R3HCC1L: variants seen among roughly 807,000 people sequenced by gnomAD.
R3HCC1L encodes R3H domain and coiled-coil containing 1 like, also known as coiled-coil domain-containing protein R3HCC1L.
In R3HCC1L, 51 loss-of-function variants were observed where a neutral mutation model predicts 59.9. The observed-to-expected ratio is 0.85, with a 90% CI of 0.68 to 1.07. The LOEUF (loss-of-function observed/expected upper bound fraction) is 1.07, where lower values mean the gene tolerates loss of function less well. R3HCC1L is among the 50% of genes least tolerant of loss of function. The pLI, the probability that R3HCC1L is intolerant of heterozygous loss-of-function variation, is 0.00. For missense variants in R3HCC1L, 965 were observed against 933.0 expected (o/e 1.03, Z -0.45); for synonymous variants, 322 against 315.2 (o/e 1.02, Z -0.23).
chr10:98,161,995 A>C (rs1847460848), intron 2 of R3HCC1L, among the ~76,000 whole-genome samples: 2 of 152,096 alleles, frequency 1.3e-5, no homozygotes, highest in South Asian at 4.1e-4. Flanking sequence ...TTGTGCTGAG[A>C]TTTCTGTCCA....
At chr10:98,156,936 A>C (rs1285856502) in intron 2 of R3HCC1L, among the ~76,000 whole-genome samples, 2 of 152,240 alleles carry the variant, frequency 1.3e-5, no homozygotes, top group Non-Finnish European at 2.9e-5. Context: ...ACTTTCTAGG[A>C]AACCGTACAT....
At chr10:98,162,553 A>G (rs977394754) in intron 2 of R3HCC1L, among the ~76,000 whole-genome samples, 2 of 152,116 alleles carry the variant, frequency 1.3e-5, no homozygotes, top group Non-Finnish European at 2.9e-5. Context: ...TTTTTTATCC[A>G]TCTACCATTC....
intron 1 of R3HCC1L, among the ~76,000 whole-genome samples, chr10:98,150,057 CCT>C (rs1845994933): frequency 6.6e-6 from 1 of 152,126 alleles, no homozygotes; most frequent in Non-Finnish European, 1.5e-5. Context: ...CTGATTCTTT[CCT>C]CTGTGTGATC....
intron 9 of R3HCC1L, among the ~76,000 whole-genome samples, chr10:98,239,601 T>C (rs1857313659): frequency 6.6e-6 from 1 of 152,236 alleles, no homozygotes; most frequent in East Asian, 1.9e-4. Context: ...TGTTTTTCTT[T>C]ATAAAACCCA....
In R3HCC1L at chr10:98,244,125, C is replaced by T. The variant is rs752144788; in HGVS notation, c.2304C>T (p.Asp768=). Residue 768 remains aspartate (D), a synonymous_variant, in exon 10 of 10, where the codon GAC becomes GAT. Coordinates refer to ENST00000298999, the MANE Select transcript of R3HCC1L (RefSeq NM_001351015.2). ...RKRLEAKQRE[D]IWEGRDQSTV ...GGTTGGAAGCCAAGCAACGGGAAGACATCTGGGAAGGCAGAGACCAGTCTA... is the reference window on the plus strand; with the variant it reads ...GGTTGGAAGCCAAGCAACGGGAAGATATCTGGGAAGGCAGAGACCAGTCTA... The T allele has an allele frequency of 1.2e-5, 19 of 1,613,922 alleles. No homozygotes were observed. In the Admixed American group the frequency reaches 2.5e-4, roughly 21 times the overall value.
intron 1 of R3HCC1L, among the ~76,000 whole-genome samples, chr10:98,141,984 T>C (rs1485701896): frequency 3.9e-5 from 6 of 152,210 alleles, no homozygotes; most frequent in African/African-American, 1.4e-4. Flanking sequence ...AGTATCACTT[T>C]TTAAATGTCA....
intron 1 of R3HCC1L, among the ~76,000 whole-genome samples, chr10:98,150,150 T>G (rs1454581792): frequency 4.6e-5 from 7 of 152,250 alleles, no homozygotes; most frequent in African/African-American, 1.7e-4. Context: ...TTTCTTATAC[T>G]ATTTCAATCT....
intron 4 of R3HCC1L, among the ~76,000 whole-genome samples, chr10:98,197,400 G>A (rs529501386): frequency 6.6e-6 from 1 of 152,286 alleles, no homozygotes; most frequent in South Asian, 2.1e-4. Context: ...ACTCCTCAGT[G>A]TGGTCTTCCT....
intron 4 of R3HCC1L, among the ~76,000 whole-genome samples, chr10:98,167,558 C>T (rs1848082492): frequency 6.6e-6 from 1 of 152,168 alleles, no homozygotes; most frequent in Admixed American, 6.5e-5. Flanking sequence ...AACATACATA[C>T]AAAATAAATA....
rs1658243950 is a variant in R3HCC1L, at chr10:98,244,858, G to A, written c.*700G>A. ...GTTCCAGTGTAAGCAGTAATACCATGTTGTAAGAGGGAACATTAAAGCCCA... is the reference window on the plus strand; with the variant it reads ...GTTCCAGTGTAAGCAGTAATACCATATTGTAAGAGGGAACATTAAAGCCCA... On this transcript the variant is annotated 3_prime_UTR_variant, in exon 10 of 10. Transcript: ENST00000298999. 6.6e-6 allele frequency: 1 copy of A among 152,242 alleles called. No individual in the cohort carries two copies. Among genetic ancestry groups the A allele is most frequent in the African/African-American group, 2.4e-5 (1 of 41,460 alleles). The allele number at this position is 152,242 out of a possible 1,614,324, so 9.4% of individuals were successfully genotyped here.
chr10:98,200,381 T>C (rs937189674), intron 4 of R3HCC1L, among the ~76,000 whole-genome samples: 2 of 152,122 alleles, frequency 1.3e-5, no homozygotes, highest in African/African-American at 2.4e-5. Flanking sequence ...TAGTGTATCA[T>C]AAGGGCCTTG....
At chr10:98,233,257 T>G (rs1258917225) in intron 6 of R3HCC1L, among the ~76,000 whole-genome samples, 1 of 152,208 alleles carries the variant, frequency 6.6e-6, no homozygotes, top group Non-Finnish European at 1.5e-5. Flanking sequence ...TTGCTTTGTT[T>G]CTTGATAATC....
At chr10:98,196,669 G>A (rs1166714106) in intron 4 of R3HCC1L, among the ~76,000 whole-genome samples, 2 of 152,032 alleles carry the variant, frequency 1.3e-5, no homozygotes, top group African/African-American at 4.8e-5. Flanking sequence ...TGATTAATCT[G>A]ACCACTTCTT....
In R3HCC1L at chr10:98,209,472, C is replaced by T. The variant is rs747589180; in HGVS notation, c.1358C>T (p.Ser453Phe). 6.2e-7 allele frequency: 1 copy of T among 1,613,602 alleles called. No homozygotes were observed. Among genetic ancestry groups the T allele is most frequent in the Admixed American group, 1.7e-5 (1 of 59,982 alleles). Residue 453 changes from serine to phenylalanine, a missense_variant, in exon 5 of 10, where the codon TCT (serine) becomes TTT (phenylalanine). Physicochemically the swap from Ser to Phe is radical, Grantham distance 155 (BLOSUM62 -2). Coordinates refer to ENST00000298999, the MANE Select transcript of R3HCC1L (RefSeq NM_001351015.2). ...CSDIYGESIS[S>F]HFTESTGKLI... The stretch of plus-strand genomic sequence containing the variant: ...GATATTTATGGTGAGAGTATTTCAT[C>T]TCATTTTACAGAGTCAACAGGAAAG...
intron 6 of R3HCC1L, 93 bp from the exon 7 acceptor site, chr10:98,234,353 A>G (rs183866927): frequency 2.1e-5 from 24 of 1,140,784 alleles, no homozygotes; most frequent in Middle Eastern, 2.8e-4. Context: ...GAGTGTTTCT[A>G]TCTTGTGAAA....
chr10:98,234,837 T>TC (rs1484392263), intron 7 of R3HCC1L, among the ~76,000 whole-genome samples: 2 of 152,144 alleles, frequency 1.3e-5, no homozygotes, highest in Non-Finnish European at 2.9e-5. Context: ...ATTTTTTTTT[T>TC]CCATCCTAGA....
At position 98,221,018 on chromosome 10, in the gene R3HCC1L, C is replaced by G. The variant is rs1477501330; in HGVS notation, c.1786-10494C>G. On this transcript the variant is annotated intron_variant, in intron 5 of 9. Transcript: ENST00000298999. ...CAACAGTGTAAAAGTGTTCCTATTT[C>G]TCCACATCCTCTCCAGCACCTGTTG... is the stretch of plus-strand genomic sequence containing the variant. Among the ~76,000 whole-genome samples the G allele has an allele frequency of 6.5e-3, 968 of 148,146 alleles. 11 individuals carry two copies. The highest frequency in any genetic ancestry group is 0.019 in the African/African-American group (787 of 40,396).
At chr10:98,215,067 A>G (rs958179352) in intron 5 of R3HCC1L, among the ~76,000 whole-genome samples, 6 of 152,160 alleles carry the variant, frequency 3.9e-5, no homozygotes, top group African/African-American at 1.4e-4. Context: ...CGCTCTTTCC[A>G]TGACATTAAG....
intron 5 of R3HCC1L, among the ~76,000 whole-genome samples, chr10:98,217,680 C>CT (rs1213245914): frequency 1.3e-5 from 2 of 152,134 alleles, no homozygotes; most frequent in African/African-American, 4.8e-5. Context: ...TTTGTGTTCT[C>CT]TCCAGTTTTC....
Sources: allele counts gnomAD v4.1 joint callset (sites outside exome capture counted in the v4.1 genomes callset), GRCh38; gene constraint gnomAD v4.1.1; transcripts MANE v1.5; gene names NCBI Gene and HGNC (gene_info 2026-07-23, HGNC 2026-07-21).